KCNMA1: variants seen among roughly 807,000 people sequenced by gnomAD.
KCNMA1 encodes the protein Calcium-activated potassium channel subunit alpha-1.
In KCNMA1, 29 loss-of-function variants were observed where a neutral mutation model predicts 140.0. The observed-to-expected ratio is 0.21, with a 90% CI of 0.15 to 0.28. The LOEUF (loss-of-function observed/expected upper bound fraction) is 0.28, where lower values mean the gene tolerates loss of function less well. Among genes scored for constraint, KCNMA1 ranks in the 10% least tolerant of loss-of-function variants. KCNMA1 has a pLI of 1.00. For synonymous variants in KCNMA1, 612 were observed against 611.9 expected (o/e 1.00, Z 0.00); for missense variants, 880 against 1,602.2 (o/e 0.55, Z 7.70).
intron 23 of KCNMA1, among the ~76,000 whole-genome samples, chr10:76,930,616 T>C (rs923221540): frequency 1.3e-5 from 2 of 152,148 alleles, no homozygotes; most frequent in African/African-American, 4.8e-5. Context: ...CAATCCCACT[T>C]CTGGGTATAT....
chr10:77,404,844 T>C (rs145854084), intron 1 of KCNMA1, among the ~76,000 whole-genome samples: 3,865 of 152,246 alleles, frequency 0.025, 80 homozygotes, highest in Non-Finnish European at 0.038. Context: ...ACATGATCCA[T>C]GCCAAGCCAA....
At position 76,915,925 on chromosome 10, in the gene KCNMA1, T is replaced by C. The variant is rs185660520; in HGVS notation, c.2903-876A>G. Among the ~76,000 whole-genome samples the C allele has an allele frequency of 3.3e-5, 5 of 152,152 alleles. No individual in the cohort carries two copies. The East Asian group carries it at 9.7e-4, about 29-fold the overall frequency. Reference sequence around the variant, plus strand: ...ACTTAGTGATATTGGCTCAAGTGAATGACAGGAAGAGCTGTCCTGGAGTTC... The same window carrying C: ...ACTTAGTGATATTGGCTCAAGTGAACGACAGGAAGAGCTGTCCTGGAGTTC... On this transcript the variant is annotated intron_variant, in intron 23 of 27. Coordinates refer to ENST00000286628, the MANE Select transcript of KCNMA1 (RefSeq NM_001161352.2).
At chr10:77,510,040 T>C (rs1014905467) in intron 1 of KCNMA1, among the ~76,000 whole-genome samples, 2 of 152,020 alleles carry the variant, frequency 1.3e-5, no homozygotes, top group Non-Finnish European at 2.9e-5. Flanking sequence ...GTGTTGCTCC[T>C]TTCTCCCCAC....
chr10:76,965,115 C>T (rs1465319123), intron 20 of KCNMA1, among the ~76,000 whole-genome samples: 2 of 152,108 alleles, frequency 1.3e-5, no homozygotes, highest in Non-Finnish European at 2.9e-5. Flanking sequence ...AGTCTGTGCT[C>T]CCCAGGACTT....
chr10:77,352,557 C>T (rs79193329), intron 2 of KCNMA1, among the ~76,000 whole-genome samples: 2,939 of 152,216 alleles, frequency 0.019, 87 homozygotes, highest in African/African-American at 0.066. Context: ...AACAACCACT[C>T]GTGTCTAGTG....
chr10:77,581,122 A>G (rs957291213), intron 1 of KCNMA1, among the ~76,000 whole-genome samples: 4 of 152,146 alleles, frequency 2.6e-5, no homozygotes, highest in African/African-American at 7.2e-5. Flanking sequence ...TGCAAGTTAC[A>G]TAGCCAATCT....
rs752785720 is a variant in KCNMA1 at position 77,262,655 on chromosome 10, TAA to T, written c.541-11401_541-11400del. Among the ~76,000 whole-genome samples the T allele has an allele frequency of 1.1e-3, 162 of 152,094 alleles. 2 individuals are homozygous for T. Among genetic ancestry groups the T allele is most frequent in the Non-Finnish European group, 1.4e-3 (98 of 67,994 alleles). ...TGAGTTAGTGAGAGATATGATTGTT[TAA>T]AAGAGTCTGGGACCTCTGCACTTCT... On this transcript the variant is annotated intron_variant, in intron 2 of 27. Coordinates refer to ENST00000286628, the MANE Select transcript of KCNMA1 (RefSeq NM_001161352.2).
At chr10:77,260,224 G>T (rs1026316246) in intron 2 of KCNMA1, among the ~76,000 whole-genome samples, 1 of 152,190 alleles carries the variant, frequency 6.6e-6, no homozygotes, top group Non-Finnish European at 1.5e-5. Context: ...AAGGGGATGG[G>T]GGGAGCTGAG....
intron 5 of KCNMA1, among the ~76,000 whole-genome samples, chr10:77,143,501 G>C (rs2098225936): frequency 6.6e-6 from 1 of 152,020 alleles, no homozygotes; most frequent in South Asian, 2.1e-4. Context: ...GAAAAATAAA[G>C]TCATCGCCAC....
At chr10:77,545,871 C>G (rs900400547) in intron 1 of KCNMA1, among the ~76,000 whole-genome samples, 1 of 152,182 alleles carries the variant, frequency 6.6e-6, no homozygotes, top group African/African-American at 2.4e-5. Flanking sequence ...CTGAGTCAGG[C>G]ACTGACCCCA....
rs1003256746 is a variant in KCNMA1, at chr10:77,198,662, C to T, written c.603-13746G>A. Among the ~76,000 whole-genome samples the T allele has an allele frequency of 3.3e-5, 5 of 151,002 alleles. No homozygotes were observed. In the South Asian group the frequency reaches 6.3e-4, roughly 19 times the overall value. ...TTCAGTAGAGATTCATCAAGCTTCG[C>T]TCTAATGTCAAGGCTACACTGGATA... On this transcript the variant is annotated intron_variant, in intron 3 of 27. Transcript: ENST00000286628.
intron 17 of KCNMA1, among the ~76,000 whole-genome samples, chr10:77,018,624 T>C (rs1406769269): frequency 1.3e-5 from 2 of 151,986 alleles, no homozygotes; most frequent in African/African-American, 4.8e-5. Context: ...GCAGGGAGAG[T>C]AGTAGAAAAC....
chr10:77,579,485 G>T (rs1456138698), intron 1 of KCNMA1, among the ~76,000 whole-genome samples: 1 of 152,174 alleles, frequency 6.6e-6, no homozygotes, highest in Non-Finnish European at 1.5e-5. Flanking sequence ...TTTATTTATA[G>T]ATATTTGAAT....
At position 77,629,108 on chromosome 10, in the gene KCNMA1, T is replaced by C. The variant is rs573296972; in HGVS notation, c.378+8157A>G. 3.9e-5 allele frequency among the ~76,000 whole-genome samples: 6 copies of C among 152,322 alleles called. No homozygotes were observed. The East Asian group carries it at 1.2e-3, about 29-fold the overall frequency. On this transcript the variant is annotated intron_variant, in intron 1 of 27. Transcript: ENST00000286628. ...CAGGTAACAAGATCTTACAGGGAGA[T>C]GATTCCAAGGCTCGGCTTGACAACG...
chr10:77,582,584 A>T (rs557833915), intron 1 of KCNMA1, among the ~76,000 whole-genome samples: 22 of 152,304 alleles, frequency 1.4e-4, no homozygotes, highest in African/African-American at 4.6e-4. Context: ...TAAAATTTTT[A>T]AAAAATGTTC....
chr10:77,585,029 C>A (rs886973725), intron 1 of KCNMA1, among the ~76,000 whole-genome samples: 6 of 152,240 alleles, frequency 3.9e-5, no homozygotes, highest in Admixed American at 3.9e-4. Flanking sequence ...CCCTACCCTT[C>A]TCCAAGCTGT....
chr10:77,059,250 A>G (rs2095652481), intron 14 of KCNMA1, among the ~76,000 whole-genome samples: 1 of 152,036 alleles, frequency 6.6e-6, no homozygotes, highest in Non-Finnish European at 1.5e-5. Flanking sequence ...CAAACCTAGT[A>G]GTATTTCACT....
At chr10:77,501,704 G>A (rs544671016) in intron 1 of KCNMA1, among the ~76,000 whole-genome samples, 1 of 152,260 alleles carries the variant, frequency 6.6e-6, no homozygotes, top group Admixed American at 6.5e-5. Context: ...AGCATGCAGC[G>A]GACTCCTGGG....
intron 1 of KCNMA1, among the ~76,000 whole-genome samples, chr10:77,592,158 CAA>C (rs142897310): frequency 1.3e-5 from 2 of 150,698 alleles, no homozygotes; most frequent in African/African-American, 2.4e-5. Context: ...ATAAATAAAA[CAA>C]AAAAAAACCC....
Sources: allele counts gnomAD v4.1 joint callset (sites outside exome capture counted in the v4.1 genomes callset), GRCh38; gene constraint gnomAD v4.1.1; transcripts MANE v1.5; gene names NCBI Gene and HGNC (gene_info 2026-07-23, HGNC 2026-07-21).